NAV1: variants seen among roughly 807,000 people sequenced by gnomAD.
The protein encoded by NAV1 is neuron navigator 1.
A neutral mutation model predicts 175.2 loss-of-function variants in NAV1; 18 were observed. The ratio of observed to expected loss-of-function variants is 0.10; its 90% CI spans 0.07 to 0.15. The LOEUF (loss-of-function observed/expected upper bound fraction) is 0.15, where lower values mean the gene tolerates loss of function less well. NAV1 is among the 10% of genes least tolerant of loss of function. The probability of loss-of-function intolerance (pLI) is 1.00; values close to 1 mark genes in which losing one functional copy is unlikely to be tolerated. For synonymous variants in NAV1, 897 were observed against 978.7 expected, an observed-to-expected ratio of 0.92 and a Z score of 1.56; for missense variants, 1,731 against 2,436.6, an observed-to-expected ratio of 0.71 and a Z score of 6.10.
intron 3 of NAV1, among the ~76,000 whole-genome samples, chr1:201,778,935 A>G (rs183852548): frequency 1.6e-4 from 25 of 152,376 alleles, no homozygotes; most frequent in African/African-American, 5.8e-4. Flanking sequence ...CATATATGCA[A>G]TGCTGATAAA....
At chr1:201,676,362 T>C (rs1670249854) in intron 1 of NAV1, among the ~76,000 whole-genome samples, 5 of 152,190 alleles carry the variant, frequency 3.3e-5, no homozygotes, top group Admixed American at 3.3e-4. Context: ...AGGGACTCTT[T>C]CTCTCCCTTT....
At chr1:201,583,859 G>T (rs1666943454) in intron 1 of NAV1, among the ~76,000 whole-genome samples, 1 of 152,228 alleles carries the variant, frequency 6.6e-6, no homozygotes, top group Non-Finnish European at 1.5e-5. Context: ...AGAGGAGCCA[G>T]TCAGGACCTT....
chr1:201,811,821 C>G, intron 25 of NAV1, 64 bp downstream of exon 29: 1 of 1,610,448 alleles, frequency 6.2e-7, no homozygotes, highest in Non-Finnish European at 8.5e-7. Context: ...CAGTCCAGGA[C>G]AACCTATGAG....
chr1:201,671,193 G>C (rs912304683), intron 1 of NAV1, among the ~76,000 whole-genome samples: 1 of 152,202 alleles, frequency 6.6e-6, no homozygotes, highest in African/African-American at 2.4e-5. Context: ...AAGAAGGGTA[G>C]AAGTGGTCCC....
chr1:201,580,594 GA>G (rs2102192149), intron 1 of NAV1, among the ~76,000 whole-genome samples: 1 of 152,242 alleles, frequency 6.6e-6, no homozygotes, highest in Admixed American at 6.5e-5. Flanking sequence ...CCAACATGGT[GA>G]AACCCCGTCT....
intron 1 of NAV1, among the ~76,000 whole-genome samples, chr1:201,555,882 A>G (rs114377463): frequency 0.029 from 4,283 of 149,566 alleles, 86 homozygotes; most frequent in African/African-American, 0.053. Context: ...GGGGCGGGGC[A>G]GATTTAATAA....
intron 1 of NAV1, among the ~76,000 whole-genome samples, chr1:201,707,340 C>A (rs1004005664): frequency 1.3e-5 from 2 of 152,198 alleles, no homozygotes; most frequent in Non-Finnish European, 2.9e-5. Context: ...TAAGAGCCAC[C>A]ATTTATAGAG....
chr1:201,616,008 T>G (rs894498307), intron 2 of NAV1, among the ~76,000 whole-genome samples: 3 of 121,842 alleles, frequency 2.5e-5, no homozygotes, highest in South Asian at 2.3e-4. Context: ...AAAAAGAAGG[T>G]TTTTTTTTTG....
At chr1:201,756,103 C>A (rs1212274614) in intron 3 of NAV1, among the ~76,000 whole-genome samples, 3 of 117,650 alleles carry the variant, frequency 2.5e-5, no homozygotes, top group Admixed American at 1.9e-4. Flanking sequence ...GAAACTCTGT[C>A]TCAAAAAAAA....
intron 1 of NAV1, among the ~76,000 whole-genome samples, chr1:201,579,513 G>A (rs1666786618): frequency 1.3e-5 from 2 of 151,960 alleles, no homozygotes; most frequent in East Asian, 1.9e-4. Context: ...GCACCACCAC[G>A]CCTGGATAAT....
chr1:201,799,722 TG>T (rs1047874173), intron 15 of NAV1, among the ~76,000 whole-genome samples: 17 of 152,218 alleles, frequency 1.1e-4, no homozygotes, highest in African/African-American at 4.1e-4. Context: ...AAGCTGTTCA[TG>T]GTGGCAGATG....
At position 201,754,435 on chromosome 1, in the gene NAV1, C is replaced by T. The variant is rs939551957; in HGVS notation, c.1227-25986C>T. Among the ~76,000 whole-genome samples the T allele has an allele frequency of 2.6e-5, 4 of 152,080 alleles. No individual in the cohort carries two copies. The East Asian group carries it at 5.8e-4, about 22-fold the overall frequency. On this transcript the variant is annotated intron_variant, in intron 3 of 29. Transcript: ENST00000367296. ...GAGTGACTGACAGTGTTAAATGCAA[C>T]GCAGAAGTCAGAAAGGATGAAAAAG...
chr1:201,762,016 T>C (rs1191967359), intron 3 of NAV1, among the ~76,000 whole-genome samples: 1 of 152,040 alleles, frequency 6.6e-6, no homozygotes, highest in African/African-American at 2.4e-5. Context: ...AAAAATTATC[T>C]GGGCATGGTG....
At chr1:201,676,020 C>G (rs550050342) in intron 1 of NAV1, among the ~76,000 whole-genome samples, 1 of 152,224 alleles carries the variant, frequency 6.6e-6, no homozygotes, top group Non-Finnish European at 1.5e-5. Context: ...CCCCTCTCTG[C>G]GTCTCAAAAG....
At chr1:201,736,062 A>G (rs1354720520) in intron 3 of NAV1, among the ~76,000 whole-genome samples, 33 of 152,198 alleles carry the variant, frequency 2.2e-4, no homozygotes, top group Non-Finnish European at 2.9e-5. Flanking sequence ...AGGCCTGGCT[A>G]GGATGCAGAG....
At chr1:201,731,178 G>A (rs114018534) in intron 3 of NAV1, among the ~76,000 whole-genome samples, 1,672 of 148,224 alleles carry the variant, frequency 0.011, 18 homozygotes, top group African/African-American at 0.04. Flanking sequence ...GGGCATGTGC[G>A]GTAGAAAAAC....
chr1:201,618,057 C>A (rs1294194113), upstream of NAV1, among the ~76,000 whole-genome samples: 11 of 152,118 alleles, frequency 7.2e-5, no homozygotes, highest in Non-Finnish European at 1.5e-5. Flanking sequence ...GTGCAAGAGG[C>A]CTTACCTTTC....
upstream of NAV1, chr1:201,622,754 C>G: frequency 1.1e-6 from 1 of 912,450 alleles, no homozygotes; most frequent in Non-Finnish European, 1.3e-6. Context: ...TCTGGGTGCT[C>G]GAGCCTCCCC....
At chr1:201,566,382 A>G (rs1328936642) in intron 1 of NAV1, among the ~76,000 whole-genome samples, 1 of 152,064 alleles carries the variant, frequency 6.6e-6, no homozygotes, top group Non-Finnish European at 1.5e-5. Flanking sequence ...TGGCTCCACC[A>G]GTACCTAGTG....
Sources: allele counts gnomAD v4.1 joint callset (sites outside exome capture counted in the v4.1 genomes callset), GRCh38; gene constraint gnomAD v4.1.1; transcripts MANE v1.5; gene names NCBI Gene and HGNC (gene_info 2026-07-23, HGNC 2026-07-21).